The following NAA50 variants were observed in gnomAD, a reference collection of about 807,000 sequenced individuals.
The protein encoded by NAA50 is N-alpha-acetyltransferase 50, NatE catalytic subunit, also known as N-alpha-acetyltransferase 50.
In NAA50, 7 loss-of-function variants were observed where a neutral mutation model predicts 20.7. That is an observed-to-expected ratio of 0.34 (90% CI 0.19 to 0.63). The LOEUF is 0.63. Ranked by LOEUF, NAA50 falls within the 30% of genes least tolerant of loss-of-function variation. The probability of loss-of-function intolerance (pLI) is 0.75; values close to 1 mark genes in which losing one functional copy is unlikely to be tolerated. For missense variants in NAA50, 111 were observed against 199.1 expected, an observed-to-expected ratio of 0.56 and a Z score of 2.66; for synonymous variants, 54 against 70.6, an observed-to-expected ratio of 0.77 and a Z score of 1.18.
chr3:113,741,404 C>T (rs559316891), intron 1 of NAA50: 44 of 188,194 alleles, frequency 2.3e-4, no homozygotes, highest in South Asian at 1.1e-3. Context: ...ATAGCTCTCA[C>T]GTTCACGATG....
Position 113,716,776 on chromosome 3 carries a change from T to G in NAA50, c.*4984A>C, listed in dbSNP as rs905309291. The G allele has an allele frequency of 6.6e-6, 1 of 152,210 alleles. No individual in the cohort carries two copies. The highest frequency in any genetic ancestry group is 1.5e-5 in the Non-Finnish European group (1 of 68,032). 9.4% of individuals were successfully genotyped at this position (152,210 alleles called of 1,614,324 possible). ...AGCTATGTGGCAAATTAGTTTCAGTTAAATCAGGAATATCTAATACAAAGC... is the reference window on the plus strand; with the variant it reads ...AGCTATGTGGCAAATTAGTTTCAGTGAAATCAGGAATATCTAATACAAAGC... On this transcript the variant is annotated 3_prime_UTR_variant, in exon 5 of 5. Transcript: ENST00000240922.
chr3:113,741,118 C>A, intron 1 of NAA50: 1 of 548,914 alleles, frequency 1.8e-6, no homozygotes, highest in South Asian at 1.6e-5. Context: ...GATGACTATA[C>A]TTGAATGAAG....
chr3:113,738,939 A>G (rs1000377431), intron 1 of NAA50, among the ~76,000 whole-genome samples: 9 of 152,172 alleles, frequency 5.9e-5, no homozygotes, highest in African/African-American at 1.9e-4. Flanking sequence ...CCTACTCTCT[A>G]AAGAATATCA....
rs1227418573 is a variant in NAA50 at position 113,719,271 on chromosome 3, A to G, written c.*2489T>C. The G allele has an allele frequency of 6.6e-6, 1 of 152,608 alleles. No individual in the cohort carries two copies. The highest frequency in any genetic ancestry group is 1.5e-5 in the Non-Finnish European group (1 of 68,006). The allele number at this position is 152,608 out of a possible 1,614,324, so 9.5% of individuals were successfully genotyped here. A position where few individuals can be genotyped will look rare whatever the true frequency, so the allele number is the denominator to read the frequency against. ...TCTGGACAAACTATATATTGCATAG[A>G]TTTCTCTACAGATTCTTTGCTTTAA... On this transcript the variant is annotated 3_prime_UTR_variant, in exon 5 of 5. Coordinates refer to ENST00000240922, the MANE Select transcript of NAA50 (RefSeq NM_025146.4).
intron 1 of NAA50, among the ~76,000 whole-genome samples, chr3:113,728,023 A>T (rs967206612): frequency 6.6e-6 from 1 of 152,078 alleles, no homozygotes; most frequent in Non-Finnish European, 1.5e-5. Flanking sequence ...GATTTTCTAA[A>T]TATATCAAAG....
intron 1 of NAA50, among the ~76,000 whole-genome samples, chr3:113,726,506 G>A (rs1325826052): frequency 1.3e-5 from 2 of 151,344 alleles, no homozygotes; most frequent in African/African-American, 2.4e-5. Flanking sequence ...AAAAAATTGG[G>A]AGGCCAAGGT....
intron 1 of NAA50, among the ~76,000 whole-genome samples, chr3:113,733,999 A>T (rs1217158134): frequency 1.3e-5 from 2 of 152,156 alleles, no homozygotes; most frequent in African/African-American, 2.4e-5. Context: ...TAGGTCAAAC[A>T]AAGATGAAAT....
At chr3:113,732,394 C>T (rs190498624) in intron 1 of NAA50, among the ~76,000 whole-genome samples, 183 of 152,268 alleles carry the variant, frequency 1.2e-3, no homozygotes, top group African/African-American at 4.1e-3. Flanking sequence ...AAACACAATC[C>T]TACTGTATTA....
intron 1 of NAA50, among the ~76,000 whole-genome samples, chr3:113,734,547 A>C (rs1457039139): frequency 6.6e-6 from 1 of 152,240 alleles, no homozygotes; most frequent in Non-Finnish European, 1.5e-5. Flanking sequence ...CTTTCCAGGC[A>C]TGTTATTTTT....
chr3:113,742,581 A>G (rs1010993031), intron 1 of NAA50, among the ~76,000 whole-genome samples: 4 of 152,164 alleles, frequency 2.6e-5, no homozygotes, highest in African/African-American at 4.8e-5. Context: ...CTATGCTGAG[A>G]TGCAAAAAGC....
At chr3:113,745,790 C>A (rs1011082850) in intron 1 of NAA50, 152 bp downstream of exon 1, 1 of 950,708 alleles carries the variant, frequency 1.1e-6, no homozygotes, top group Admixed American at 3.5e-5. Flanking sequence ...GCCTCCGCCC[C>A]CTCCGGGAGC....
At position 113,720,736 on chromosome 3, in the gene NAA50, C is replaced by T. The variant is rs532970044; in HGVS notation, c.*1024G>A. 1.8e-4 allele frequency: 28 copies of T among 152,368 alleles called. No individual in the cohort carries two copies. Among genetic ancestry groups the T allele is most frequent in the African/African-American group, 6.7e-4 (28 of 41,540 alleles). 9.4% of individuals were successfully genotyped at this position (152,368 alleles called of 1,614,324 possible). ...CCTATAAAATCAAATGCTCAGTGGC[C>T]ACACTTTTAACAGCTGGCATTAGAT... On this transcript the variant is annotated 3_prime_UTR_variant, in exon 5 of 5. Coordinates refer to ENST00000240922, the MANE Select transcript of NAA50 (RefSeq NM_025146.4).
chr3:113,723,405 A>T lies in NAA50; in HGVS notation c.265+17T>A. On this transcript the variant is annotated intron_variant, in intron 3 of 4. Coordinates refer to ENST00000240922, the MANE Select transcript of NAA50 (RefSeq NM_025146.4). ...TTTATGCTTCTCTGAAGAAGTAAAA[A>T]AACCACAATTTTTTACCTATTCCTA... The T allele has an allele frequency of 6.3e-7, 1 of 1,592,432 alleles. No individual in the cohort carries two copies. Among genetic ancestry groups the T allele is most frequent in the Non-Finnish European group, 8.5e-7 (1 of 1,170,384 alleles).
chr3:113,721,592 A>C lies in NAA50; in HGVS notation c.*168T>G. On this transcript the variant is annotated 3_prime_UTR_variant, in exon 5 of 5. Coordinates refer to ENST00000240922, the MANE Select transcript of NAA50 (RefSeq NM_025146.4). The stretch of plus-strand genomic sequence containing the variant: ...AATTCAAACATGATTATTTTTTTAA[A>C]GTCCTTGAAAGTATTAAAACTCTCA... 1 of 679,702 alleles carries C rather than the reference A, an allele frequency of 1.5e-6. No individual in the cohort carries two copies. The highest frequency in any genetic ancestry group is 2.5e-6 in the Non-Finnish European group (1 of 406,572). 42.1% of individuals were successfully genotyped at this position (679,702 alleles called of 1,614,324 possible).
At chr3:113,726,408 C>G (rs926162835) in intron 1 of NAA50, among the ~76,000 whole-genome samples, 2 of 151,874 alleles carry the variant, frequency 1.3e-5, no homozygotes, top group Admixed American at 1.3e-4. Context: ...ACATCTCATT[C>G]ACAGAACTCC....
chr3:113,745,819 G>A lies in NAA50; in HGVS notation c.8+123C>T, dbSNP rs141084497. 1.3e-4 allele frequency: 155 copies of A among 1,194,822 alleles called. 1 individual carries two copies. The East Asian group carries it at 1.3e-3, about 10-fold the overall frequency. 74.0% of individuals were successfully genotyped at this position (1,194,822 alleles called of 1,614,324 possible). A position where few individuals can be genotyped will look rare whatever the true frequency, so the allele number is the denominator to read the frequency against. On this transcript the variant is annotated intron_variant, in intron 1 of 4. Transcript: ENST00000240922. ...CGGGAGCCGAGGGAACTGAGAAGCA[G>A]AGAAATCTCCCTCCGCCCGTCTTCG...
intron 1 of NAA50, among the ~76,000 whole-genome samples, chr3:113,741,615 A>G (rs1442166052): frequency 6.6e-6 from 1 of 152,248 alleles, no homozygotes; most frequent in Admixed American, 6.5e-5. Flanking sequence ...CACATGTGCA[A>G]TAATATTCAC....
intron 1 of NAA50, among the ~76,000 whole-genome samples, chr3:113,735,293 T>C (rs536834120): frequency 1.3e-5 from 2 of 152,338 alleles, no homozygotes; most frequent in East Asian, 1.9e-4. Flanking sequence ...ACCAGAATCA[T>C]CTTGCCAGTT....
chr3:113,728,363 A>C (rs1379995640), intron 1 of NAA50, among the ~76,000 whole-genome samples: 1 of 152,216 alleles, frequency 6.6e-6, no homozygotes, highest in Non-Finnish European at 1.5e-5. Flanking sequence ...CTGGAATGCA[A>C]AGGTGTTTAC....
Sources: gnomAD v4.1 joint callset for allele counts (sites outside exome capture counted in the v4.1 genomes callset) on GRCh38, gnomAD v4.1.1 for gene constraint, MANE v1.5 for transcripts, NCBI Gene and HGNC (gene_info 2026-07-23, HGNC 2026-07-21) for gene names.